Variants in SAMD5 observed in about 807,000 individuals in gnomAD.
The protein encoded by SAMD5 is sterile alpha motif domain-containing protein 5.
A neutral mutation model predicts 11.3 loss-of-function variants in SAMD5; 13 were observed. That is an observed-to-expected ratio of 1.15 (90% CI 0.75 to 1.83). The LOEUF is 1.83. Ranked by LOEUF, SAMD5 falls within the 40% of genes most tolerant of loss-of-function variation. SAMD5 has a pLI of 0.00. For synonymous variants in SAMD5, 129 were observed against 111.3 expected (o/e 1.16, Z -1.00); for missense variants, 255 against 239.1 (o/e 1.07, Z -0.44).
chr6:147,661,758 T>C (rs547001949), intron 1 of SAMD5, among the ~76,000 whole-genome samples: 1 of 152,076 alleles, frequency 6.6e-6, no homozygotes, highest in Non-Finnish European at 1.5e-5. Flanking sequence ...GCCTCCTGAG[T>C]AGCTGAGATT....
rs570903322 is a variant in SAMD5, at chr6:147,589,528, C to A, written c.162+80141C>A. ...CTCAGCCATTTTCTGTCTTTGTGATCCTGAGCAGGCTAGCCAGCCTCTCCA... is the reference window on the plus strand; with the variant it reads ...CTCAGCCATTTTCTGTCTTTGTGATACTGAGCAGGCTAGCCAGCCTCTCCA... On this transcript the variant is annotated intron_variant, in intron 1 of 1. Transcript: ENST00000566741. Among the ~76,000 whole-genome samples the A allele has an allele frequency of 1.6e-4, 24 of 152,206 alleles. No individual in the cohort carries two copies. In the South Asian group the frequency reaches 4.6e-3, roughly 29 times the overall value.
At chr6:147,549,351 G>A (rs1788732701) in intron 1 of SAMD5, among the ~76,000 whole-genome samples, 1 of 152,178 alleles carries the variant, frequency 6.6e-6, no homozygotes, top group Non-Finnish European at 1.5e-5. Flanking sequence ...CAGTCCAGAG[G>A]TTCCTCTAAC....
chr6:147,813,951 T>G, the SAMD5 span, among the ~76,000 whole-genome samples: 1 of 152,248 alleles, frequency 6.6e-6, no homozygotes, highest in South Asian at 2.1e-4. Flanking sequence ...GGACTGGCTA[T>G]GTGTGAATTC....
chr6:147,792,200 TGAGTA>T, the SAMD5 span, among the ~76,000 whole-genome samples: 2 of 152,122 alleles, frequency 1.3e-5, no homozygotes, highest in African/African-American at 2.4e-5. Context: ...ACTTTGGAAA[TGAGTA>T]GAGACTGTAT....
chr6:147,707,853 A>C (rs879446413), intron 1 of SAMD5, among the ~76,000 whole-genome samples: 2 of 152,086 alleles, frequency 1.3e-5, no homozygotes, highest in Non-Finnish European at 2.9e-5. Context: ...AATACCACTG[A>C]TGAGGCTGGG....
chr6:147,950,885 G>C, the SAMD5 span, among the ~76,000 whole-genome samples: 1 of 151,888 alleles, frequency 6.6e-6, no homozygotes, highest in African/African-American at 2.4e-5. Context: ...TTCTTTCTCT[G>C]TTTCCCTCGC....
chr6:147,842,550 C>T, the SAMD5 span, among the ~76,000 whole-genome samples: 1 of 151,752 alleles, frequency 6.6e-6, no homozygotes, highest in Admixed American at 6.6e-5. Flanking sequence ...TTTCTAGAAC[C>T]ATACGAAATA....
At chr6:147,789,101 A>AAAC in the SAMD5 span, among the ~76,000 whole-genome samples, 2 of 55,000 alleles carry the variant, frequency 3.6e-5, no homozygotes, top group Admixed American at 1.7e-4. Flanking sequence ...ACAAACAAAC[A>AAAC]AAAAAAAAAA....
chr6:147,616,323 A>ATTT (rs1562334387), intron 1 of SAMD5, among the ~76,000 whole-genome samples: 1 of 147,224 alleles, frequency 6.8e-6, no homozygotes, highest in African/African-American at 2.5e-5. Flanking sequence ...ATTCATATAT[A>ATTT]CTTCATATAT....
At chr6:147,665,760 G>A (rs999807096) in intron 1 of SAMD5, among the ~76,000 whole-genome samples, 1 of 152,322 alleles carries the variant, frequency 6.6e-6, no homozygotes, top group Admixed American at 6.5e-5. Context: ...GTGACAGTCT[G>A]CAAAATTGAG....
the SAMD5 span, among the ~76,000 whole-genome samples, chr6:147,786,681 T>C: frequency 2.0e-5 from 3 of 152,236 alleles, no homozygotes; most frequent in Non-Finnish European, 4.4e-5. Flanking sequence ...ATGGTTTCAT[T>C]TGATTGTCCT....
At chr6:147,558,139 G>A (rs750745071) in intron 1 of SAMD5, among the ~76,000 whole-genome samples, 1 of 152,166 alleles carries the variant, frequency 6.6e-6, no homozygotes, top group African/African-American at 2.4e-5. Context: ...ATTGAAGTAT[G>A]AGTTAGCAGA....
chr6:147,816,281 C>CAAAAA, the SAMD5 span, among the ~76,000 whole-genome samples: 41 of 27,820 alleles, frequency 1.5e-3, 1 homozygote, highest in African/African-American at 5.8e-3. Flanking sequence ...ACTCCGTCTC[C>CAAAAA]AAAAAAAAAA....
At chr6:147,611,232 T>C (rs1033374468) in intron 1 of SAMD5, among the ~76,000 whole-genome samples, 2 of 151,982 alleles carry the variant, frequency 1.3e-5, no homozygotes, top group African/African-American at 4.8e-5. Context: ...TACAAACCCT[T>C]AGATGGAAAG....
At chr6:147,846,957 C>A in the SAMD5 span, among the ~76,000 whole-genome samples, 1 of 152,136 alleles carries the variant, frequency 6.6e-6, no homozygotes, top group African/African-American at 2.4e-5. Flanking sequence ...TGTTATAAGT[C>A]CCTGTTATAA....
the SAMD5 span, among the ~76,000 whole-genome samples, chr6:147,841,700 A>C: frequency 6.6e-6 from 1 of 152,156 alleles, no homozygotes; most frequent in Non-Finnish European, 1.5e-5. Context: ...ACAGCCATCC[A>C]TATTAGCATG....
At chr6:147,538,956 A>G (rs896318966) in intron 1 of SAMD5, among the ~76,000 whole-genome samples, 10 of 152,162 alleles carry the variant, frequency 6.6e-5, no homozygotes, top group African/African-American at 2.4e-4. Flanking sequence ...CACACACACA[A>G]CACATATACA....
At chr6:147,846,336 G>C in the SAMD5 span, among the ~76,000 whole-genome samples, 1 of 152,228 alleles carries the variant, frequency 6.6e-6, no homozygotes, top group African/African-American at 2.4e-5. Flanking sequence ...TAATTAAATT[G>C]CATAGAATTA....
At chr6:147,661,285 A>T (rs1304466856) in intron 1 of SAMD5, among the ~76,000 whole-genome samples, 2 of 152,168 alleles carry the variant, frequency 1.3e-5, no homozygotes, top group Non-Finnish European at 2.9e-5. Context: ...TTAAAAATAT[A>T]AAAAAAGTGC....
Sources: gnomAD v4.1 joint callset for allele counts (sites outside exome capture counted in the v4.1 genomes callset) on GRCh38, gnomAD v4.1.1 for gene constraint, MANE v1.5 for transcripts, NCBI Gene and HGNC (gene_info 2026-07-23, HGNC 2026-07-21) for gene names.